RBM26: variants seen among roughly 807,000 people sequenced by gnomAD.
RBM26 encodes the protein RNA-binding protein 26.
A neutral mutation model predicts 123.6 loss-of-function variants in RBM26; 30 were observed. That is an observed-to-expected ratio of 0.24 (90% CI 0.18 to 0.33). The LOEUF (loss-of-function observed/expected upper bound fraction) is 0.33, where lower values mean the gene tolerates loss of function less well. Ranked by LOEUF, RBM26 falls within the 10% of genes least tolerant of loss-of-function variation. The pLI, the probability that RBM26 is intolerant of heterozygous loss-of-function variation, is 1.00. For synonymous variants in RBM26, 400 were observed against 404.4 expected, an observed-to-expected ratio of 0.99 and a Z score of 0.13; for missense variants, 947 against 1,203.6, an observed-to-expected ratio of 0.79 and a Z score of 3.15.
chr13:79,336,574 A>G (rs753592234), intron 19 of RBM26, among the ~76,000 whole-genome samples: 4 of 152,210 alleles, frequency 2.6e-5, no homozygotes, highest in Non-Finnish European at 4.4e-5. Flanking sequence ...ATAATGGATT[A>G]ACAGAGACTA....
intron 1 of RBM26, among the ~76,000 whole-genome samples, chr13:79,387,116 C>T (rs1045542909): frequency 6.6e-6 from 1 of 152,042 alleles, no homozygotes; most frequent in African/African-American, 2.4e-5. Flanking sequence ...ATTATGGACA[C>T]TTTTCCGGTC....
chr13:79,348,006 C>A (rs1022207945), intron 14 of RBM26, among the ~76,000 whole-genome samples: 4 of 152,036 alleles, frequency 2.6e-5, no homozygotes, highest in Admixed American at 6.6e-5. Flanking sequence ...AGAACACTTT[C>A]TCTACTGAGC....
intron 10 of RBM26, 103 bp downstream of exon 10, chr13:79,359,472 G>T: frequency 1.6e-6 from 1 of 612,470 alleles, no homozygotes; most frequent in Non-Finnish European, 2.9e-6. Flanking sequence ...ACAGAACAGA[G>T]TAACATTTTT....
chr13:79,322,492 G>C, intron 20 of RBM26, 30 bp from the exon 21 acceptor site: 1 of 1,434,010 alleles, frequency 7.0e-7, no homozygotes, highest in South Asian at 1.4e-5. Flanking sequence ...TGGAATATAA[G>C]ACATTAAAAA....
chr13:79,396,707 A>C (rs995974244), intron 1 of RBM26, among the ~76,000 whole-genome samples: 24 of 152,164 alleles, frequency 1.6e-4, no homozygotes, highest in African/African-American at 5.8e-4. Context: ...ATTTTTTCAG[A>C]AAAACGGAGG....
chr13:79,338,079 C>T (rs755792938), intron 18 of RBM26, among the ~76,000 whole-genome samples: 5 of 151,952 alleles, frequency 3.3e-5, no homozygotes, highest in Non-Finnish European at 5.9e-5. Context: ...ATTAGCCAGG[C>T]GTAGTGCCTG....
chr13:79,347,656 A>G (rs964276350), intron 14 of RBM26, among the ~76,000 whole-genome samples: 4 of 152,008 alleles, frequency 2.6e-5, no homozygotes, highest in Admixed American at 6.5e-5. Flanking sequence ...ACATCTTACT[A>G]CACTTACTTA....
Position 79,322,362 on chromosome 13 carries a change from G to T in RBM26, c.2921C>A (p.Pro974His). The T allele has an allele frequency of 6.4e-7, 1 of 1,569,812 alleles. No individual in the cohort carries two copies. Among genetic ancestry groups the T allele is most frequent in the East Asian group, 2.4e-5 (1 of 42,412 alleles). ...AAAATAACATACTTCTTCTTCATCA[G>T]GCTCAACTTCTTCTGTTTCAACAGC... ...ISAVETEEVE[P>H]DEEEFQEESL... The change falls in exon 21 of 22, where the codon CCT becomes CAT. Residue 974 changes from proline to histidine, a missense_variant. By Grantham distance (77) the Pro-to-His change is moderately conservative. Transcript: ENST00000438737.
At chr13:79,382,796 T>C (rs1449935988) in intron 1 of RBM26, among the ~76,000 whole-genome samples, 1 of 152,150 alleles carries the variant, frequency 6.6e-6, no homozygotes, top group Non-Finnish European at 1.5e-5. Flanking sequence ...TCCTATGCAG[T>C]AGAGTGTTAG....
At chr13:79,386,591 TAAAAAA>T (rs398023598) in intron 1 of RBM26, among the ~76,000 whole-genome samples, 10 of 92,832 alleles carry the variant, frequency 1.1e-4, no homozygotes, top group Admixed American at 9.6e-4. Context: ...ACTCTCTCTT[TAAAAAA>T]AAAAAAAAAA....
chr13:79,328,338 A>T (rs963765796), intron 20 of RBM26, among the ~76,000 whole-genome samples: 1 of 152,054 alleles, frequency 6.6e-6, no homozygotes, highest in Non-Finnish European at 1.5e-5. Context: ...CCAAATAAAC[A>T]TATCAGAAAT....
In RBM26 at chr13:79,367,388, T is replaced by G. The variant is rs7333651; in HGVS notation, c.896-516A>C. On this transcript the variant is annotated intron_variant, in intron 6 of 21. Coordinates refer to ENST00000438737, the MANE Select transcript of RBM26 (RefSeq NM_001366735.2). ...TGTCATTGCACTCCAGCCTGGGGTA[T>G]AGGGGGAGACTCCATCTCAAAAAAA... 1.2e-3 allele frequency among the ~76,000 whole-genome samples: 160 copies of G among 136,798 alleles called. 1 individual carries two copies. Among genetic ancestry groups the G allele is most frequent in the South Asian group, 3.0e-3 (12 of 3,982 alleles). The allele number at this position is 136,798 out of a possible 152,430, so 89.7% of individuals were successfully genotyped here.
chr13:79,400,357 G>C (rs2078957593), intron 1 of RBM26, among the ~76,000 whole-genome samples: 2 of 152,148 alleles, frequency 1.3e-5, no homozygotes, highest in African/African-American at 2.4e-5. Flanking sequence ...GATAGACCTT[G>C]AACACTGCAT....
Position 79,365,577 on chromosome 13 carries a change from C to T in RBM26, c.1417+1G>A. ...CAGGAAGGAAAGATTAATTATAGTA[C>T]CTCTGGGTGGCAAATCCATATCCCC... On this transcript the variant is annotated splice_donor_variant, in intron 9 of 21. Transcript: ENST00000438737. LOFTEE classifies it high-confidence loss of function. 6.2e-7 allele frequency: 1 copy of T among 1,609,932 alleles called. No homozygotes were observed. Among genetic ancestry groups the T allele is most frequent in the African/African-American group, 1.3e-5 (1 of 74,912 alleles).
rs372993167 is a variant in RBM26 at position 79,322,596 on chromosome 13, G to T, written c.2821-134C>A. On this transcript the variant is annotated intron_variant, in intron 20 of 21. Coordinates refer to ENST00000438737, the MANE Select transcript of RBM26 (RefSeq NM_001366735.2). Reference sequence around the variant, plus strand: ...ATGGCTATCTGCCCATTTGCTTTTTGATTATTTACTATTCAATTTACTATT... The same window carrying T: ...ATGGCTATCTGCCCATTTGCTTTTTTATTATTTACTATTCAATTTACTATT... 8 of 514,088 alleles carry T rather than the reference G, an allele frequency of 1.6e-5. 1 individual carries two copies. Among genetic ancestry groups the T allele is most frequent in the African/African-American group, 8.1e-5 (4 of 49,362 alleles). 31.8% of individuals were successfully genotyped at this position (514,088 alleles called of 1,614,324 possible).
chr13:79,380,945 T>A (rs376374480), intron 1 of RBM26, among the ~76,000 whole-genome samples: 1 of 152,210 alleles, frequency 6.6e-6, no homozygotes, highest in East Asian at 1.9e-4. Context: ...CTGAACTATT[T>A]TCATCCAATT....
chr13:79,322,924 ATAAT>A (rs1445980937), intron 20 of RBM26, among the ~76,000 whole-genome samples: 1 of 151,482 alleles, frequency 6.6e-6, no homozygotes, highest in Non-Finnish European at 1.5e-5. Flanking sequence ...CAAATGGTAT[ATAAT>A]TATTAATCTT....
At chr13:79,381,151 G>A (rs1029411808) in intron 1 of RBM26, among the ~76,000 whole-genome samples, 1 of 151,934 alleles carries the variant, frequency 6.6e-6, no homozygotes, top group African/African-American at 2.4e-5. Flanking sequence ...TCACTTTACT[G>A]ATAAAGAAAC....
At position 79,320,255 on chromosome 13, in the gene RBM26, T is replaced by C. The variant is rs1444590779; in HGVS notation, c.*366A>G. The C allele has an allele frequency of 6.2e-6, 6 of 972,104 alleles. No individual in the cohort carries two copies. The highest frequency in any genetic ancestry group is 1.2e-4 in the Admixed American group (2 of 16,598). The allele number at this position is 972,104 out of a possible 1,614,324, so 60.2% of individuals were successfully genotyped here. A position where few individuals can be genotyped will look rare whatever the true frequency, so the allele number is the denominator to read the frequency against. ...ATTAAGATTTTAAATGCAAATTCAT[T>C]CCTTATTTGGAATAAAACAAAGTCC... On this transcript the variant is annotated 3_prime_UTR_variant, in exon 22 of 22. Coordinates refer to ENST00000438737, the MANE Select transcript of RBM26 (RefSeq NM_001366735.2).
Sources: gnomAD v4.1 joint callset for allele counts (sites outside exome capture counted in the v4.1 genomes callset) on GRCh38, gnomAD v4.1.1 for gene constraint, MANE v1.5 for transcripts, NCBI Gene and HGNC (gene_info 2026-07-23, HGNC 2026-07-21) for gene names.